GNB1: variants seen among roughly 807,000 people sequenced by gnomAD.
GNB1 encodes the protein G protein subunit beta 1.
Under a neutral mutation model 42.9 loss-of-function variants are expected in GNB1, and 2 were observed. The ratio of observed to expected loss-of-function variants is 0.05; its 90% CI spans 0.02 to 0.15. GNB1 has a LOEUF of 0.15. Among genes scored for constraint, GNB1 ranks in the 10% least tolerant of loss-of-function variants. GNB1 has a pLI of 1.00. For synonymous variants in GNB1, 183 were observed against 174.7 expected, an observed-to-expected ratio of 1.05 and a Z score of -0.38; for missense variants, 193 against 462.2, an observed-to-expected ratio of 0.42 and a Z score of 5.34.
intron 1 of GNB1, among the ~76,000 whole-genome samples, chr1:1,884,773 C>T (rs1650054625): frequency 6.6e-6 from 1 of 151,838 alleles, no homozygotes; most frequent in African/African-American, 2.4e-5. Context: ...AGGTCTGCCT[C>T]CCGGGTTCAC....
At chr1:1,845,803 A>G (rs1452322385) in intron 1 of GNB1, among the ~76,000 whole-genome samples, 1 of 142,172 alleles carries the variant, frequency 7.0e-6, no homozygotes, top group Admixed American at 7.1e-5. Context: ...TCCGCTGTAG[A>G]ATCATTTGTG....
At chr1:1,829,372 C>T (rs1424479353) in intron 2 of GNB1, among the ~76,000 whole-genome samples, 2 of 152,134 alleles carry the variant, frequency 1.3e-5, no homozygotes, top group Admixed American at 1.3e-4. Context: ...GTATTTTCTA[C>T]AATCAAATTG....
At chr1:1,827,590 T>G (rs1647016272) in intron 2 of GNB1, among the ~76,000 whole-genome samples, 2 of 152,154 alleles carry the variant, frequency 1.3e-5, no homozygotes, top group African/African-American at 2.4e-5. Flanking sequence ...GCGACTGTGA[T>G]TTGTGGACGT....
intron 5 of GNB1, among the ~76,000 whole-genome samples, chr1:1,810,425 A>AC (rs1646759468): frequency 6.6e-6 from 1 of 151,208 alleles, no homozygotes; most frequent in Non-Finnish European, 1.5e-5. Context: ...GGTACCAGCT[A>AC]CTCAGGAGGC....
chr1:1,852,322 G>A (rs936920046), intron 1 of GNB1, among the ~76,000 whole-genome samples: 6 of 151,868 alleles, frequency 4.0e-5, no homozygotes, highest in Admixed American at 1.3e-4. Context: ...TCCGCCTCCC[G>A]GGTTCACACC....
At chr1:1,799,004 C>T (rs1646586501) in intron 7 of GNB1, among the ~76,000 whole-genome samples, 1 of 151,698 alleles carries the variant, frequency 6.6e-6, no homozygotes, top group African/African-American at 2.4e-5. Flanking sequence ...ACTGCAGGCT[C>T]CGCCCCCCGG....
At chr1:1,825,605 C>G in intron 2 of GNB1, 106 bp from the exon 3 acceptor site, 2 of 686,180 alleles carry the variant, frequency 2.9e-6, no homozygotes, top group South Asian at 3.1e-5. Context: ...TGGCTCAAGC[C>G]TGTAATCCCA....
intron 5 of GNB1, among the ~76,000 whole-genome samples, chr1:1,812,075 A>C (rs1046066716): frequency 6.6e-6 from 1 of 152,190 alleles, no homozygotes; most frequent in African/African-American, 2.4e-5. Flanking sequence ...CAAAAAAAAA[A>C]ACCCAAAAAA....
chr1:1,805,094 G>A (rs1464595823), intron 6 of GNB1, among the ~76,000 whole-genome samples: 2 of 152,096 alleles, frequency 1.3e-5, no homozygotes, highest in Admixed American at 6.5e-5. Flanking sequence ...CCCGGGAGGC[G>A]GAGGTTGCAG....
rs1043438705 is a variant in GNB1 at position 1,787,522 on chromosome 1, T to C, written c.917-85A>G. 3 of 796,820 alleles carry C rather than the reference T, an allele frequency of 3.8e-6. No individual in the cohort carries two copies. In the African/African-American group the frequency reaches 5.1e-5, roughly 14 times the overall value. The allele number at this position is 796,820 out of a possible 1,614,324, so 49.4% of individuals were successfully genotyped here. On this transcript the variant is annotated intron_variant, in intron 10 of 11. Coordinates refer to ENST00000378609, the MANE Select transcript of GNB1 (RefSeq NM_002074.5). The surrounding 1 kb of genome is among the most constrained non-coding windows in gnomAD (Gnocchi z 4.4). ...GCCATGTTGTGACGAGGACGGATGG[T>C]GCATCTCTCATGGGACAAGACCCAG... is the stretch of plus-strand genomic sequence containing the variant.
At chr1:1,858,892 G>C (rs1353775583) in intron 1 of GNB1, among the ~76,000 whole-genome samples, 1 of 152,128 alleles carries the variant, frequency 6.6e-6, no homozygotes, top group Non-Finnish European at 1.5e-5. Context: ...AATCAACATG[G>C]AACAGGAAAC....
intron 1 of GNB1, among the ~76,000 whole-genome samples, chr1:1,844,372 C>T (rs986266036): frequency 4.9e-5 from 7 of 142,062 alleles, no homozygotes; most frequent in African/African-American, 1.8e-4. Context: ...GCCTCGATGG[C>T]AGAGTGAGAC....
chr1:1,823,009 G>A (rs1427293159), intron 3 of GNB1, among the ~76,000 whole-genome samples: 6 of 151,972 alleles, frequency 3.9e-5, no homozygotes, highest in Non-Finnish European at 8.8e-5. Context: ...TTGGGAGGCC[G>A]AGGTGGGCGG....
intron 2 of GNB1, among the ~76,000 whole-genome samples, chr1:1,833,649 G>A (rs1256799517): frequency 6.6e-6 from 1 of 152,210 alleles, no homozygotes; most frequent in African/African-American, 2.4e-5. Context: ...CAGAGGCTGG[G>A]AGCGTACACA....
chr1:1,803,488 C>T (rs568211695), intron 7 of GNB1, among the ~76,000 whole-genome samples: 1 of 152,268 alleles, frequency 6.6e-6, no homozygotes, highest in African/African-American at 2.4e-5. Flanking sequence ...AGCTTTGTTG[C>T]CCCAGCTGGT....
At chr1:1,830,692 TCCA>T (rs1464906952) in intron 2 of GNB1, among the ~76,000 whole-genome samples, 9 of 152,156 alleles carry the variant, frequency 5.9e-5, no homozygotes, top group African/African-American at 2.2e-4. Context: ...ACAAGCAGAC[TCCA>T]CCCATCACAC....
At chr1:1,840,223 G>A (rs1004347656) in intron 1 of GNB1, among the ~76,000 whole-genome samples, 6 of 139,934 alleles carry the variant, frequency 4.3e-5, no homozygotes, top group Non-Finnish European at 7.9e-5. Flanking sequence ...GCAAGACACC[G>A]TCTCGAAAAG....
At chr1:1,881,225 C>A (rs1428856387) in intron 1 of GNB1, among the ~76,000 whole-genome samples, 4 of 152,242 alleles carry the variant, frequency 2.6e-5, no homozygotes, top group African/African-American at 9.6e-5. Context: ...CTCTCGCCTT[C>A]CCTTCGGTCA....
At chr1:1,856,715 T>C (rs1220298820) in intron 1 of GNB1, among the ~76,000 whole-genome samples, 3 of 152,186 alleles carry the variant, frequency 2.0e-5, no homozygotes, top group Non-Finnish European at 4.4e-5. Flanking sequence ...CATGAGCCAC[T>C]GCGCCTGGCC....
Sources: gnomAD v4.1 joint callset for allele counts (sites outside exome capture counted in the v4.1 genomes callset) on GRCh38, gnomAD v4.1.1 for gene constraint, Gnocchi (gnomAD v3.1) non-coding constraint, MANE v1.5 for transcripts, NCBI Gene and HGNC (gene_info 2026-07-23, HGNC 2026-07-21) for gene names.